Variants in SLC6A5 observed in about 807,000 individuals in gnomAD.
The protein encoded by SLC6A5 is sodium- and chloride-dependent glycine transporter 2.
Under a neutral mutation model 90.5 loss-of-function variants are expected in SLC6A5, and 58 were observed. The observed-to-expected ratio is 0.64, with a 90% confidence interval of 0.52 to 0.80. SLC6A5 has a LOEUF of 0.80. SLC6A5 is among the 30% of genes least tolerant of loss of function. The probability of loss-of-function intolerance (pLI) is 0.00; values close to 1 mark genes in which losing one functional copy is unlikely to be tolerated. For missense variants in SLC6A5, 1,015 were observed against 1,017.6 expected, an observed-to-expected ratio of 1.00 and a Z score of 0.03; for synonymous variants, 427 against 401.4, an observed-to-expected ratio of 1.06 and a Z score of -0.76.
chr11:20,650,214 A>G lies in SLC6A5; in HGVS notation c.2071-2075A>G, dbSNP rs539809580. 1.2e-4 allele frequency among the ~76,000 whole-genome samples: 18 copies of G among 152,334 alleles called. No individual in the cohort carries two copies. In the South Asian group the frequency reaches 2.9e-3, roughly 25 times the overall value. On this transcript the variant is annotated intron_variant, in intron 14 of 15. Transcript: ENST00000525748. ...TACATTATTCTAGGCTGATGTTGCT[A>G]CAGGCAGGGTGAATACAGGGAGCCA...
Position 20,626,712 on chromosome 11 carries a change from T to A in SLC6A5, c.1265T>A (p.Val422Glu). Residue 422 changes from valine (V) to glutamate (E), a missense_variant, in exon 8 of 16, where the codon GTG (valine) becomes GAG (glutamate). By Grantham distance (121) the Val-to-Glu change is moderately radical. Transcript: ENST00000525748. Reference sequence around the variant, plus strand: ...CTCTGCCCATGGCTTTTCTAGGTGGTGTACTTCACGGCCACGTTCCCGTAT... The same window carrying A: ...CTCTGCCCATGGCTTTTCTAGGTGGAGTACTTCACGGCCACGTTCCCGTAT... The part of the protein sequence containing the change: ...AKGIKTSGKV[V>E]YFTATFPYVV... The A allele has an allele frequency of 6.2e-7, 1 of 1,614,050 alleles. No homozygotes were observed. Among genetic ancestry groups the A allele is most frequent in the Non-Finnish European group, 8.5e-7 (1 of 1,179,930 alleles).
intron 2 of SLC6A5, among the ~76,000 whole-genome samples, chr11:20,603,603 T>C (rs1439163668): frequency 6.6e-6 from 1 of 152,202 alleles, no homozygotes; most frequent in Non-Finnish European, 1.5e-5. Flanking sequence ...CTTTTTTGTT[T>C]GTTTGTTTTC....
intron 5 of SLC6A5, among the ~76,000 whole-genome samples, chr11:20,612,963 G>A (rs1356394479): frequency 6.6e-6 from 1 of 152,240 alleles, no homozygotes; most frequent in Non-Finnish European, 1.5e-5. Flanking sequence ...ATTGGCTGGA[G>A]TGCTCTCTGG....
intron 14 of SLC6A5, among the ~76,000 whole-genome samples, chr11:20,651,553 ATGAGCCAC>A (rs1383870869): frequency 6.6e-6 from 1 of 150,874 alleles, no homozygotes; most frequent in Admixed American, 6.6e-5. Flanking sequence ...GATTACAGGC[ATGAGCCAC>A]TGCGCCTGGC....
At position 20,655,056 on chromosome 11, in the gene SLC6A5, C is replaced by T. The variant is rs1285278061; in HGVS notation, c.*188C>T. On this transcript the variant is annotated 3_prime_UTR_variant, in exon 16 of 16. Transcript: ENST00000525748. ...ATGCTGCAGTAAAGAGCTACATAGACCACCTGAAGCGCTGTTTGCCTGTGC... is the reference window on the plus strand; with the variant it reads ...ATGCTGCAGTAAAGAGCTACATAGATCACCTGAAGCGCTGTTTGCCTGTGC... 3.0e-6 allele frequency: 2 copies of T among 665,238 alleles called. No homozygotes were observed. Among genetic ancestry groups the T allele is most frequent in the Non-Finnish European group, 5.4e-6 (2 of 371,722 alleles). 41.2% of individuals were successfully genotyped at this position (665,238 alleles called of 1,614,324 possible). A position where few individuals can be genotyped will look rare whatever the true frequency, so the allele number is the denominator to read the frequency against.
intron 9 of SLC6A5, among the ~76,000 whole-genome samples, chr11:20,629,418 G>A (rs1373402409): frequency 6.6e-6 from 1 of 152,026 alleles, no homozygotes; most frequent in Admixed American, 6.6e-5. Flanking sequence ...CTCTGCCCCT[G>A]GAATAATGTC....
chr11:20,657,625 AGTGG>A lies in SLC6A5; in HGVS notation c.*2759_*2762del, dbSNP rs1165769390. ...CTGGCACCTGAAAACTTCCCTTCAA[AGTGG>A]GGGAAAAAACCGAGTAGCTGAGGAA... On this transcript the variant is annotated 3_prime_UTR_variant, in exon 16 of 16. Transcript: ENST00000525748. The A allele has an allele frequency of 3.9e-5, 6 of 152,226 alleles. No individual in the cohort carries two copies. Among genetic ancestry groups the A allele is most frequent in the African/African-American group, 1.4e-4 (6 of 41,456 alleles). The allele number at this position is 152,226 out of a possible 1,614,324, so 9.4% of individuals were successfully genotyped here. A position where few individuals can be genotyped will look rare whatever the true frequency, so the allele number is the denominator to read the frequency against.
intron 13 of SLC6A5, among the ~76,000 whole-genome samples, chr11:20,643,217 ATC>A (rs557203052): frequency 1.1e-3 from 166 of 146,122 alleles, no homozygotes; most frequent in Admixed American, 6.9e-3. Context: ...AATTTCTAGA[ATC>A]TCTCTCTCTT....
chr11:20,634,420 C>G (rs939791733), intron 10 of SLC6A5, among the ~76,000 whole-genome samples: 1 of 152,218 alleles, frequency 6.6e-6, no homozygotes, highest in Non-Finnish European at 1.5e-5. Flanking sequence ...GAAATGGAAG[C>G]AGACTGAATA....
chr11:20,639,757 C>G (rs900666144), intron 13 of SLC6A5, among the ~76,000 whole-genome samples: 2 of 152,172 alleles, frequency 1.3e-5, no homozygotes, highest in African/African-American at 4.8e-5. Context: ...CCTCCTGGTA[C>G]TCCAGAAACA....
intron 13 of SLC6A5, among the ~76,000 whole-genome samples, chr11:20,643,052 C>G (rs536460682): frequency 9.2e-5 from 14 of 152,316 alleles, no homozygotes; most frequent in Admixed American, 3.3e-4. Context: ...TACCATGACC[C>G]CCTCCTCTTA....
At chr11:20,614,924 A>G in intron 6 of SLC6A5, 104 bp downstream of exon 6, 1 of 1,126,960 alleles carries the variant, frequency 8.9e-7, no homozygotes, top group Non-Finnish European at 1.3e-6. Context: ...AAGGGATGAG[A>G]TCAGAGAGGA....
chr11:20,605,908 G>T (rs1267600024), intron 3 of SLC6A5, among the ~76,000 whole-genome samples: 7 of 152,242 alleles, frequency 4.6e-5, no homozygotes, highest in Admixed American at 4.6e-4. Context: ...AGCAGCCGGC[G>T]GCTGCCCCTG....
intron 7 of SLC6A5, 117 bp from the exon 8 acceptor site, chr11:20,626,591 T>G (rs1852998955): frequency 7.0e-6 from 8 of 1,147,116 alleles, no homozygotes; most frequent in South Asian, 6.4e-5. Flanking sequence ...TGGGGACAAC[T>G]ACCCTGATGT....
At chr11:20,643,459 C>T (rs151049898) in intron 13 of SLC6A5, among the ~76,000 whole-genome samples, 1 of 152,204 alleles carries the variant, frequency 6.6e-6, no homozygotes, top group African/African-American at 2.4e-5. Flanking sequence ...GCCTGTAGAC[C>T]CAAGAAAGCA....
Position 20,637,186 on chromosome 11 carries a change from G to A in SLC6A5, c.1752G>A (p.Glu584=). ...LGLDTMFATI[E]TIVTSISDEF... ...CACGGTTCCAGTTTGCCACCATCGA[G>A]ACCATAGTGACCTCCATCTCAGACG... is the stretch of plus-strand genomic sequence containing the variant. The change falls in exon 12 of 16, where the codon GAG becomes GAA. Residue 584 remains glutamate, a synonymous_variant. Transcript: ENST00000525748. 6.2e-7 allele frequency: 1 copy of A among 1,613,976 alleles called. No homozygotes were observed. Among genetic ancestry groups the A allele is most frequent in the East Asian group, 2.2e-5 (1 of 44,864 alleles).
intron 6 of SLC6A5, 119 bp from the exon 7 acceptor site, chr11:20,617,633 G>A (rs1852806428): frequency 9.5e-6 from 8 of 843,128 alleles, no homozygotes; most frequent in Admixed American, 9.2e-5. Context: ...GGGGTGGGTG[G>A]AGGATGCTGG....
At chr11:20,639,293 T>C (rs1054088244) in intron 13 of SLC6A5, among the ~76,000 whole-genome samples, 1 of 152,122 alleles carries the variant, frequency 6.6e-6, no homozygotes. Context: ...TACTGACTTC[T>C]TTCTGCTTGG....
At chr11:20,611,637 GCT>G (rs1852695316) in intron 5 of SLC6A5, among the ~76,000 whole-genome samples, 1 of 152,034 alleles carries the variant, frequency 6.6e-6, no homozygotes, top group South Asian at 2.1e-4. Flanking sequence ...TTGTTCAGTG[GCT>G]CTTATGATTA....
Sources: allele counts gnomAD v4.1 joint callset (sites outside exome capture counted in the v4.1 genomes callset), GRCh38; gene constraint gnomAD v4.1.1; transcripts MANE v1.5; gene names NCBI Gene and HGNC (gene_info 2026-07-23, HGNC 2026-07-21).